The following DCUN1D2 variants were observed in gnomAD, a reference collection of about 807,000 sequenced individuals.
DCUN1D2 encodes DCN1-like protein 2.
DCUN1D2 carries 29 observed loss-of-function variants against 30.9 expected under a neutral mutation model. That is an observed-to-expected ratio of 0.94 (90% CI 0.70 to 1.28). The LOEUF is 1.28. DCUN1D2 is among the 50% of genes most tolerant of loss of function. DCUN1D2 has a pLI of 0.00. For synonymous variants in DCUN1D2, 121 were observed against 115.3 expected (o/e 1.05, Z -0.32); for missense variants, 325 against 316.9 (o/e 1.03, Z -0.19).
chr13:113,475,658 G>A (rs1167706129), intron 3 of DCUN1D2, among the ~76,000 whole-genome samples: 1 of 152,162 alleles, frequency 6.6e-6, no homozygotes, highest in African/African-American at 2.4e-5. Flanking sequence ...AGGTGGAGGA[G>A]GGAGGATCGC....
At chr13:113,463,995 G>A (rs1483868580) in intron 4 of DCUN1D2, among the ~76,000 whole-genome samples, 1 of 152,098 alleles carries the variant, frequency 6.6e-6, no homozygotes, top group Non-Finnish European at 1.5e-5. Context: ...GTAAACTGAC[G>A]GCTCTACTTC....
At chr13:113,481,161 T>C (rs192439051) in intron 2 of DCUN1D2, among the ~76,000 whole-genome samples, 78 of 152,346 alleles carry the variant, frequency 5.1e-4, no homozygotes, top group Admixed American at 1.6e-3. Context: ...TCTGCCAAAG[T>C]AAATGAATGA....
chr13:113,475,710 G>C (rs949619302), intron 3 of DCUN1D2: 2 of 152,804 alleles, frequency 1.3e-5, no homozygotes, highest in African/African-American at 4.8e-5. Context: ...AACATAGAGA[G>C]ACCCAGTCTC....
At chr13:113,471,280 C>A (rs1293874287) in intron 4 of DCUN1D2, among the ~76,000 whole-genome samples, 1 of 150,086 alleles carries the variant, frequency 6.7e-6, no homozygotes, top group Non-Finnish European at 1.5e-5. Flanking sequence ...CCACAGGGGA[C>A]CCAACTCCAC....
intron 6 of DCUN1D2, among the ~76,000 whole-genome samples, chr13:113,458,352 C>CGGA (rs1320521213): frequency 6.6e-6 from 1 of 152,204 alleles, no homozygotes; most frequent in Non-Finnish European, 1.5e-5. Context: ...ACAGTGGCCC[C>CGGA]GGATGCTCGG....
intron 4 of DCUN1D2, among the ~76,000 whole-genome samples, chr13:113,466,869 C>T (rs1053008593): frequency 4.6e-4 from 69 of 148,404 alleles, no homozygotes; most frequent in South Asian, 6.4e-4. Context: ...TGCAGTGGCA[C>T]GATCTCGGCT....
upstream of DCUN1D2, chr13:113,490,945 G>A (rs1352913097): frequency 9.6e-6 from 2 of 208,904 alleles, no homozygotes; most frequent in Non-Finnish European, 1.9e-5. The surrounding 1 kb of genome is among the most constrained non-coding windows in gnomAD (Gnocchi z 5.2). Flanking sequence ...CGCCGGCCAG[G>A]AAGTGCTCGC....
At chr13:113,477,957 T>C (rs576803445) in intron 3 of DCUN1D2, among the ~76,000 whole-genome samples, 4 of 152,352 alleles carry the variant, frequency 2.6e-5, no homozygotes, top group African/African-American at 4.8e-5. Context: ...TTGCATCTTA[T>C]AATCATCTTA....
At chr13:113,477,759 C>A (rs1432173103) in intron 3 of DCUN1D2, among the ~76,000 whole-genome samples, 1 of 150,194 alleles carries the variant, frequency 6.7e-6, no homozygotes, top group Non-Finnish European at 1.5e-5. Flanking sequence ...CCATCTTATG[C>A]ACTGGGATGA....
intron 1 of DCUN1D2, among the ~76,000 whole-genome samples, chr13:113,487,347 C>T (rs766400462): frequency 1.4e-4 from 22 of 152,292 alleles, no homozygotes; most frequent in Non-Finnish European, 2.8e-4. Flanking sequence ...TATACAACAA[C>T]ATTTACTATA....
chr13:113,460,718 A>C (rs2044304709), intron 5 of DCUN1D2, among the ~76,000 whole-genome samples: 1 of 152,216 alleles, frequency 6.6e-6, no homozygotes, highest in African/African-American at 2.4e-5. Flanking sequence ...TTCTCAGTGG[A>C]AAGACAGAAT....
intron 4 of DCUN1D2, chr13:113,462,664 G>A (rs1188040804): frequency 1.3e-6 from 1 of 779,880 alleles, no homozygotes; most frequent in Non-Finnish European, 1.6e-6. Context: ...GAATACCCTG[G>A]AGTCTGAATC....
In DCUN1D2 at chr13:113,490,448, G is replaced by A. The variant is rs916899740; in HGVS notation, c.3+219C>T. 9.9e-6 allele frequency: 4 copies of A among 404,256 alleles called. No homozygotes were observed. Among genetic ancestry groups the A allele is most frequent in the Admixed American group, 4.8e-5 (1 of 20,622 alleles). 25.0% of individuals were successfully genotyped at this position (404,256 alleles called of 1,614,324 possible). ...CTCCGCTCACTCCCGGTCGTCCCTC[G>A]CGGCTCCGGGTCAAACCCGCGCTCC... is the stretch of plus-strand genomic sequence containing the variant. On this transcript the variant is annotated intron_variant, in intron 1 of 6. Transcript: ENST00000478244. The surrounding 1 kb of genome is among the most constrained non-coding windows in gnomAD (Gnocchi z 5.2).
At chr13:113,461,160 G>A (rs1307917586) in intron 4 of DCUN1D2, 24 bp from the exon 5 acceptor site, 1 of 1,448,548 alleles carries the variant, frequency 6.9e-7, no homozygotes, top group South Asian at 1.2e-5. Context: ...AGAAAGAGCA[G>A]TTAGTAAATC....
At chr13:113,459,706 T>C (rs1460704335) in intron 5 of DCUN1D2, among the ~76,000 whole-genome samples, 1 of 152,244 alleles carries the variant, frequency 6.6e-6, no homozygotes, top group East Asian at 1.9e-4. Context: ...GCCCATTAGC[T>C]GCATGTATAT....
Position 113,456,011 on chromosome 13 carries a change from TTTATACAGAA to T in DCUN1D2, c.*2008_*2017del, listed in dbSNP as rs1340414148. 1.3e-5 allele frequency: 5 copies of T among 393,500 alleles called. No homozygotes were observed. Among genetic ancestry groups the T allele is most frequent in the African/African-American group, 1.0e-4 (5 of 48,558 alleles). 24.4% of individuals were successfully genotyped at this position (393,500 alleles called of 1,614,324 possible). On this transcript the variant is annotated 3_prime_UTR_variant, in exon 7 of 7. Transcript: ENST00000478244. ...AAAAAAGTACTGTGGATCTCCATAG[TTTATACAGAA>T]TTATGTGAATTCTATAAACTTTTCT...
In DCUN1D2 at chr13:113,459,422, G is replaced by GA. The variant is rs202245499; in HGVS notation, c.604-15dup. ...TTTGTGATGTTCCTAATATATGAGA[G>GA]AAAAAAAAAACCCACCAGGTTTAAA... is the stretch of plus-strand genomic sequence containing the variant. On this transcript the variant is annotated splice_polypyrimidine_tract_variant and intron_variant, in intron 5 of 6. Coordinates refer to ENST00000478244, the MANE Select transcript of DCUN1D2 (RefSeq NM_001014283.2). 18,430 of 1,073,006 alleles carry GA rather than the reference G, an allele frequency of 0.017. No homozygotes were observed. The highest frequency in any genetic ancestry group is 0.023 in the South Asian group (1,429 of 62,144). 66.5% of individuals were successfully genotyped at this position (1,073,006 alleles called of 1,614,324 possible). A position where few individuals can be genotyped will look rare whatever the true frequency, so the allele number is the denominator to read the frequency against.
At chr13:113,470,819 G>A (rs1442266261) in intron 4 of DCUN1D2, among the ~76,000 whole-genome samples, 1 of 149,684 alleles carries the variant, frequency 6.7e-6, no homozygotes, top group Non-Finnish European at 1.5e-5. Flanking sequence ...CTCCACAGGG[G>A]ACCCAACTCC....
chr13:113,459,493 A>C (rs1296283837), intron 5 of DCUN1D2, 85 bp from the exon 6 acceptor site: 1 of 670,102 alleles, frequency 1.5e-6, no homozygotes, highest in East Asian at 2.5e-5. Flanking sequence ...AGCGATCTTC[A>C]ATTAATGTTC....
Sources: allele counts gnomAD v4.1 joint callset (sites outside exome capture counted in the v4.1 genomes callset), GRCh38; gene constraint gnomAD v4.1.1; non-coding constraint Gnocchi (gnomAD v3.1); transcripts MANE v1.5; gene names NCBI Gene and HGNC (gene_info 2026-07-23, HGNC 2026-07-21).